PTPRS: variants seen among roughly 807,000 people sequenced by gnomAD.
PTPRS encodes the protein protein tyrosine phosphatase receptor type S.
PTPRS carries 63 observed loss-of-function variants against 215.3 expected under a neutral mutation model. The ratio of observed to expected loss-of-function variants is 0.29; its 90% confidence interval spans 0.24 to 0.36. PTPRS has a LOEUF of 0.36. Among genes scored for constraint, PTPRS ranks in the 10% least tolerant of loss-of-function variants. PTPRS has a pLI of 1.00. For synonymous variants in PTPRS, 1,404 were observed against 1,191.4 expected, an observed-to-expected ratio of 1.18 and a Z score of -3.68; for missense variants, 2,258 against 2,825.8, an observed-to-expected ratio of 0.80 and a Z score of 4.56.
intron 4 of PTPRS, 75 bp from the exon 5 acceptor site, chr19:5,265,271 G>GTGGCTGTGCAGTGCTCAGA: frequency 7.2e-7 from 1 of 1,396,912 alleles, no homozygotes; most frequent in Non-Finnish European, 9.8e-7. Context: ...GGGGCTCAGG[G>GTGGCTGTGCAGTGCTCAGA]ACTGCCTGGC....
chr19:5,246,135 AAAAG>A (rs2044463392), intron 9 of PTPRS, 90 bp from the exon 10 acceptor site: 1 of 679,518 alleles, frequency 1.5e-6, no homozygotes, highest in Non-Finnish European at 2.1e-6. Context: ...GCGGAGGAGA[AAAAG>A]AAAAGCAGGA....
At chr19:5,253,654 A>T (rs1183975852) in intron 9 of PTPRS, among the ~76,000 whole-genome samples, 1 of 152,226 alleles carries the variant, frequency 6.6e-6, no homozygotes, top group Non-Finnish European at 1.5e-5. Flanking sequence ...TGAGCTCAGG[A>T]AAGCACTAGC....
chr19:5,274,454 T>C (rs559711546), intron 2 of PTPRS, 110 bp from the exon 3 acceptor site: 20 of 1,268,822 alleles, frequency 1.6e-5, no homozygotes, highest in Admixed American at 2.5e-5. Context: ...GGAAGTGCCA[T>C]GTGGCCAATG....
rs184129756 is a variant in PTPRS at position 5,288,252 on chromosome 19, G to A, written c.-94-2018C>T. Among the ~76,000 whole-genome samples the A allele has an allele frequency of 3.3e-3, 499 of 152,266 alleles. 1 individual carries two copies. The highest frequency in any genetic ancestry group is 5.8e-3 in the Non-Finnish European group (393 of 68,030). ...GGTGCCGGCACACTGTCAGACTATAGATAGGCCAGTCAGTCAGCAGACCAC... is the reference window on the plus strand; with the variant it reads ...GGTGCCGGCACACTGTCAGACTATAAATAGGCCAGTCAGTCAGCAGACCAC... On this transcript the variant is annotated intron_variant, in intron 1 of 37. Coordinates refer to ENST00000262963, the MANE Select transcript of PTPRS (RefSeq NM_002850.4).
chr19:5,212,016 C>T lies in PTPRS; in HGVS notation c.5004G>A (p.Leu1668=). ...ARSLYAYIQK[L]AQVEPGEHVT... The stretch of plus-strand genomic sequence containing the variant: ...CGTGTTCGCCAGGCTCCACCTGGGC[C>T]AGCTTCTGGATGTAGGCATAGAGGC... The change falls in exon 32 of 38, where the codon CTG becomes CTA. Residue 1668 remains leucine (L), a synonymous_variant. Transcript: ENST00000262963. 1 of 1,613,608 alleles carries T rather than the reference C, an allele frequency of 6.2e-7. No individual in the cohort carries two copies. Among genetic ancestry groups the T allele is most frequent in the Non-Finnish European group, 8.5e-7 (1 of 1,179,928 alleles).
chr19:5,277,057 G>GTTTTT (rs60512892), intron 2 of PTPRS, among the ~76,000 whole-genome samples: 7 of 133,168 alleles, frequency 5.3e-5, no homozygotes, highest in South Asian at 4.9e-4. Context: ...TGAGTTTTGT[G>GTTTTT]TTTTTTTTTT....
Position 5,238,914 on chromosome 19 carries a change from C to G in PTPRS, c.1849+5G>C. On this transcript the variant is annotated splice_donor_5th_base_variant and intron_variant, in intron 13 of 37. Transcript: ENST00000262963. ...CAGAGAAGGGCGGCCCCGCGAGACA[C>G]CTACTGGACTGCAGCGTGCGCTGCC... The G allele has an allele frequency of 6.3e-7, 1 of 1,588,422 alleles. No homozygotes were observed. The highest frequency in any genetic ancestry group is 8.5e-7 in the Non-Finnish European group (1 of 1,170,422).
intron 9 of PTPRS, among the ~76,000 whole-genome samples, chr19:5,249,730 C>A (rs1476447432): frequency 6.6e-6 from 1 of 152,202 alleles, no homozygotes; most frequent in Non-Finnish European, 1.5e-5. Context: ...TGAATAATAT[C>A]CAGTAGCCAT....
At chr19:5,289,820 G>C (rs1017546945) in intron 1 of PTPRS, among the ~76,000 whole-genome samples, 6 of 152,190 alleles carry the variant, frequency 3.9e-5, no homozygotes, top group African/African-American at 9.7e-5. Context: ...GAGAGGGGGA[G>C]AGATGAGGAC....
rs2049488415 is a variant in PTPRS at position 5,306,185 on chromosome 19, C to T, written c.-94-19951G>A. Reference sequence around the variant, plus strand: ...TTTGAGACGGAGTCTCACTCTGTCACCCAGGCTGGAGTACAGCGGCACAAT... The same window carrying T: ...TTTGAGACGGAGTCTCACTCTGTCATCCAGGCTGGAGTACAGCGGCACAAT... On this transcript the variant is annotated intron_variant, in intron 1 of 37. Transcript: ENST00000262963. Among the ~76,000 whole-genome samples, 10 of 148,022 alleles carry T rather than the reference C, an allele frequency of 6.8e-5. No individual in the cohort carries two copies. In the South Asian group the frequency reaches 2.1e-3, roughly 32 times the overall value.
At chr19:5,296,040 G>A (rs2049124258) in intron 1 of PTPRS, among the ~76,000 whole-genome samples, 1 of 152,144 alleles carries the variant, frequency 6.6e-6, no homozygotes, top group Non-Finnish European at 1.5e-5. Flanking sequence ...ACAGACATGA[G>A]CCCGTAATAA....
Position 5,257,941 on chromosome 19 carries a change from A to C in PTPRS, c.706+76T>G, listed in dbSNP as rs757499855. The stretch of plus-strand genomic sequence containing the variant: ...GTGTGCAGGGGACGGGGGAGCCCGG[A>C]GGCGGTGAGCCCGAGGAGGGAGGGG... On this transcript the variant is annotated intron_variant, in intron 8 of 37. Transcript: ENST00000262963. This position sits in a 1 kb window ranked among gnomAD's most constrained non-coding sequence, Gnocchi z 4.4. 7.9e-7 allele frequency: 1 copy of C among 1,272,038 alleles called. No individual in the cohort carries two copies. Among genetic ancestry groups the C allele is most frequent in the Non-Finnish European group, 1.1e-6 (1 of 901,428 alleles). 78.8% of individuals were successfully genotyped at this position (1,272,038 alleles called of 1,614,324 possible). A position where few individuals can be genotyped will look rare whatever the true frequency, so the allele number is the denominator to read the frequency against.
At chr19:5,321,285 TA>T (rs1298543517) in intron 1 of PTPRS, among the ~76,000 whole-genome samples, 1 of 151,472 alleles carries the variant, frequency 6.6e-6, no homozygotes, top group Non-Finnish European at 1.5e-5. Context: ...CAAAGAAAAA[TA>T]AAAAGAATAA....
At chr19:5,302,360 G>T (rs375949910) in intron 1 of PTPRS, among the ~76,000 whole-genome samples, 2 of 152,212 alleles carry the variant, frequency 1.3e-5, no homozygotes, top group East Asian at 3.9e-4. Flanking sequence ...GGGAGGCCCT[G>T]TCTAGAAACA....
At position 5,295,893 on chromosome 19, in the gene PTPRS, T is replaced by A. The variant is rs911829284; in HGVS notation, c.-94-9659A>T. Among the ~76,000 whole-genome samples the A allele has an allele frequency of 5.3e-5, 8 of 152,146 alleles. No homozygotes were observed. The highest frequency in any genetic ancestry group is 1.2e-4 in the Non-Finnish European group (8 of 68,026). ...CCTCAGCCTCCTGAGTAGCTTGGAC[T>A]ACAGGCACATGCCACCACGTCTGGC... On this transcript the variant is annotated intron_variant, in intron 1 of 37. Coordinates refer to ENST00000262963, the MANE Select transcript of PTPRS (RefSeq NM_002850.4). The surrounding 1 kb of genome is among the most constrained non-coding windows in gnomAD (Gnocchi z 4.6).
intron 18 of PTPRS, 93 bp from the exon 19 acceptor site, chr19:5,222,313 G>A: frequency 5.7e-6 from 6 of 1,059,110 alleles, no homozygotes; most frequent in Non-Finnish European, 8.6e-6. Flanking sequence ...GGGTGGGGCG[G>A]CCCAGGCGCT....
In PTPRS at chr19:5,264,990, T is replaced by G. The variant is rs1210151904; in HGVS notation, c.568+18A>C. 2 of 1,612,704 alleles carry G rather than the reference T, an allele frequency of 1.2e-6. No homozygotes were observed. Among genetic ancestry groups the G allele is most frequent in the Admixed American group, 3.3e-5 (2 of 59,778 alleles). On this transcript the variant is annotated intron_variant, in intron 5 of 37. Transcript: ENST00000262963. The stretch of plus-strand genomic sequence containing the variant: ...TGCCCTCCAAGGCTCCCACGTCCTG[T>G]CAGCCACCCTCACTCACCTGATCGC...
At chr19:5,247,344 C>T (rs2044592899) in intron 9 of PTPRS, among the ~76,000 whole-genome samples, 1 of 151,978 alleles carries the variant, frequency 6.6e-6, no homozygotes, top group African/African-American at 2.4e-5. Flanking sequence ...GGATGCATTT[C>T]GGGGGCTCCG....
chr19:5,302,587 G>A (rs1449678054), intron 1 of PTPRS, among the ~76,000 whole-genome samples: 1 of 152,148 alleles, frequency 6.6e-6, no homozygotes, highest in Non-Finnish European at 1.5e-5. Context: ...TTGTTACAAA[G>A]AGATTGGCAG....
Sources: allele counts gnomAD v4.1 joint callset (sites outside exome capture counted in the v4.1 genomes callset), GRCh38; gene constraint gnomAD v4.1.1; non-coding constraint Gnocchi (gnomAD v3.1); transcripts MANE v1.5; gene names NCBI Gene and HGNC (gene_info 2026-07-23, HGNC 2026-07-21).